EDA: variants seen among roughly 807,000 people sequenced by gnomAD.
The protein encoded by EDA is ectodysplasin A, also known as ectodysplasin-A.
EDA carries 2 observed loss-of-function variants against 23.6 expected under a neutral mutation model. The observed-to-expected ratio is 0.08, with a 90% CI of 0.03 to 0.27. The LOEUF (loss-of-function observed/expected upper bound fraction) is 0.27, where lower values mean the gene tolerates loss of function less well. Among genes scored for constraint, EDA ranks in the 10% least tolerant of loss-of-function variants. The pLI is 1.00. For missense variants in EDA, 229 were observed against 324.2 expected (o/e 0.71, Z 2.26); for synonymous variants, 131 against 132.0 (o/e 0.99, Z 0.05).
At chrX:69,702,183 C>G (rs1602311936) in intron 1 of EDA, among the ~76,000 whole-genome samples, 2 of 111,469 alleles carry the variant, frequency 1.8e-5, no homozygotes, top group African/African-American at 3.3e-5. Flanking sequence ...AAAGGGGACA[C>G]TCTAGCACAG....
chrX:69,617,884 T>C, intron 1 of EDA: 1 of 228,335 alleles, frequency 4.4e-6, no homozygotes, highest in Admixed American at 6.0e-5. Context: ...GATAGAGACA[T>C]CATATTCATG....
In EDA at chrX:69,661,315, TA is replaced by T. The variant is rs1348299511; in HGVS notation, c.396+44612del. ...GTAGGTTGCCTCTTCACTCTGATGG[TA>T]GTTTCTTTTGCTGTGCAGAAGCTCT... On this transcript the variant is annotated intron_variant, in intron 1 of 7. Coordinates refer to ENST00000374552, the MANE Select transcript of EDA (RefSeq NM_001399.5). 5.8e-5 allele frequency among the ~76,000 whole-genome samples: 6 copies of T among 103,874 alleles called. No homozygotes were observed. In the South Asian group the frequency reaches 1.4e-3, roughly 24 times the overall value. The allele number at this position is 103,874 out of a possible 115,157, so 90.2% of individuals were successfully genotyped here.
chrX:69,834,719 G>A (rs1229069793), intron 1 of EDA, among the ~76,000 whole-genome samples: 2 of 110,976 alleles, frequency 1.8e-5, no homozygotes, highest in Non-Finnish European at 3.8e-5. Flanking sequence ...GTACATTTAA[G>A]GTTAATATTG....
intron 1 of EDA, among the ~76,000 whole-genome samples, chrX:69,621,488 T>A (rs1271972773): frequency 8.9e-6 from 1 of 111,907 alleles, no homozygotes; most frequent in Non-Finnish European, 1.9e-5. Context: ...ATGCCACAAC[T>A]CCTCCTTACA....
intron 1 of EDA, among the ~76,000 whole-genome samples, chrX:69,841,080 G>T (rs2016885366): frequency 8.9e-6 from 1 of 112,054 alleles, no homozygotes; most frequent in South Asian, 3.7e-4. Context: ...GTATACATAT[G>T]GACAATAATA....
chrX:69,677,341 C>T lies in EDA; in HGVS notation c.396+60637C>T, dbSNP rs1197125922. On this transcript the variant is annotated intron_variant, in intron 1 of 7. Transcript: ENST00000374552. Reference sequence around the variant, plus strand: ...TGATTTATAGTCCTTTGGGTATATACCCAGTAATGGGATGGCTGGTTCAAA... The same window carrying T: ...TGATTTATAGTCCTTTGGGTATATATCCAGTAATGGGATGGCTGGTTCAAA... Among the ~76,000 whole-genome samples, 28 of 110,552 alleles carry T rather than the reference C, an allele frequency of 2.5e-4. No homozygotes were observed. The South Asian group carries it at 0.011, about 44-fold the overall frequency.
chrX:69,961,204 A>G (rs996854347), intron 2 of EDA, among the ~76,000 whole-genome samples: 2 of 111,263 alleles, frequency 1.8e-5, no homozygotes, highest in Non-Finnish European at 3.8e-5. Context: ...CGAACTGCTG[A>G]CGTTGAGTGA....
At chrX:69,997,986 C>T (rs2019684395) in intron 2 of EDA, among the ~76,000 whole-genome samples, 1 of 112,462 alleles carries the variant, frequency 8.9e-6, no homozygotes, top group South Asian at 3.7e-4. Context: ...CATGGAGAAC[C>T]TCTGCTAGGG....
At chrX:69,765,858 T>C (rs2804391) in intron 1 of EDA, among the ~76,000 whole-genome samples, 34,975 of 110,557 alleles carry the variant, frequency 0.32, 4,883 homozygotes, top group Middle Eastern at 0.56. Context: ...TCTACCCCTT[T>C]AGAGTCAAAC....
At chrX:69,931,351 A>G (rs2018595550) in intron 1 of EDA, among the ~76,000 whole-genome samples, 1 of 111,932 alleles carries the variant, frequency 8.9e-6, no homozygotes, top group Admixed American at 9.5e-5. Context: ...CTTTTAAAAA[A>G]TCAATAATAA....
intron 2 of EDA, among the ~76,000 whole-genome samples, chrX:69,990,489 G>A (rs757400492): frequency 9.5e-6 from 1 of 105,666 alleles, no homozygotes. Flanking sequence ...CTGCCAGGGG[G>A]GATGAAAGTG....
chrX:69,621,089 ATTG>A, intron 1 of EDA: 1 of 214,504 alleles, frequency 4.7e-6, no homozygotes, highest in South Asian at 6.1e-5. Context: ...CCTGTAATAT[ATTG>A]TTTGATGTTT....
chrX:69,709,469 T>C (rs753027827), intron 1 of EDA, among the ~76,000 whole-genome samples: 32 of 111,874 alleles, frequency 2.9e-4, no homozygotes, highest in African/African-American at 9.7e-4. Flanking sequence ...GTTTTGACTC[T>C]ATAAAGCTAT....
chrX:69,880,865 A>G (rs186003427), intron 1 of EDA, among the ~76,000 whole-genome samples: 11 of 111,930 alleles, frequency 9.8e-5, no homozygotes, highest in Admixed American at 9.4e-4. Flanking sequence ...GGGAGATGCA[A>G]TGTCATGCCC....
intron 1 of EDA, among the ~76,000 whole-genome samples, chrX:69,798,357 A>G (rs1330251287): frequency 8.9e-6 from 1 of 111,976 alleles, no homozygotes; most frequent in Admixed American, 9.5e-5. Context: ...ACACCTACAG[A>G]CTATACATTC....
Position 69,856,772 on chromosome X carries a change from C to T in EDA, c.397-100255C>T, listed in dbSNP as rs777823624. Among the ~76,000 whole-genome samples, 8 of 110,143 alleles carry T rather than the reference C, an allele frequency of 7.3e-5. No individual in the cohort carries two copies. The Admixed American group carries it at 7.7e-4, about 11-fold the overall frequency. Reference sequence around the variant, plus strand: ...TCTTTGTAGCTTCTGGACGTTAGTCCTTTGTCAGATGCATAGTTTGCAAAG... The same window carrying T: ...TCTTTGTAGCTTCTGGACGTTAGTCTTTTGTCAGATGCATAGTTTGCAAAG... On this transcript the variant is annotated intron_variant, in intron 1 of 7. Coordinates refer to ENST00000374552, the MANE Select transcript of EDA (RefSeq NM_001399.5).
At position 70,027,785 on chromosome X, in the gene EDA, TGA is replaced by T; in HGVS notation, c.527-71_527-70del. On this transcript the variant is annotated intron_variant, in intron 3 of 7. Transcript: ENST00000374552. ...TTGCAGTGAGCCGAGATCGTGCCAC[TGA>T]ACTCCAGCCTGGGCAACAGAGCAGG... is the stretch of plus-strand genomic sequence containing the variant. The T allele has an allele frequency of 1.5e-5, 8 of 530,366 alleles. 1 individual carries two copies. The South Asian group carries it at 2.0e-4, about 13-fold the overall frequency. The allele number at this position is 530,366 out of a possible 1,213,427, so 43.7% of individuals were successfully genotyped here. A position where few individuals can be genotyped will look rare whatever the true frequency, so the allele number is the denominator to read the frequency against.
intron 1 of EDA, among the ~76,000 whole-genome samples, chrX:69,682,349 C>A (rs1156456175): frequency 8.9e-6 from 1 of 112,577 alleles, no homozygotes; most frequent in Middle Eastern, 4.2e-3. Context: ...TGGGCTCCAC[C>A]CAGTTGGAGC....
intron 1 of EDA, among the ~76,000 whole-genome samples, chrX:69,718,332 G>A (rs2012429745): frequency 1.8e-5 from 2 of 110,289 alleles, no homozygotes; most frequent in South Asian, 7.8e-4. Flanking sequence ...AGTACTTCTA[G>A]TACTGTGTTT....
Sources: gnomAD v4.1 joint callset for allele counts (sites outside exome capture counted in the v4.1 genomes callset) on GRCh38, gnomAD v4.1.1 for gene constraint, MANE v1.5 for transcripts, NCBI Gene and HGNC (gene_info 2026-07-23, HGNC 2026-07-21) for gene names.